The following MUC4 variants were observed in gnomAD, a reference collection of about 807,000 sequenced individuals.
The protein encoded by MUC4 is mucin 4, cell surface associated.
MUC4 carries 202 observed loss-of-function variants against 257.9 expected under a neutral mutation model. The observed-to-expected ratio is 0.78, with a 90% CI of 0.70 to 0.88. MUC4 has a LOEUF of 0.88. MUC4 is among the 40% of genes least tolerant of loss of function. The pLI is 0.00. For missense variants in MUC4, 5,976 were observed against 6,513.7 expected (o/e 0.92, Z 2.84); for synonymous variants, 2,351 against 2,757.1 (o/e 0.85, Z 4.62).
chr3:195,748,066 A>G lies in MUC4; in HGVS notation c.16035-686T>C, dbSNP rs1334572416. Among the ~76,000 whole-genome samples, 4 of 151,186 alleles carry G rather than the reference A, an allele frequency of 2.6e-5. No individual in the cohort carries two copies. The East Asian group carries it at 7.8e-4, about 30-fold the overall frequency. ...CTCCTTCGGCGGGATCTGGAACTGCAGCTGGCGGAGGGCCCGGAGCCCAGG... is the reference window on the plus strand; with the variant it reads ...CTCCTTCGGCGGGATCTGGAACTGCGGCTGGCGGAGGGCCCGGAGCCCAGG... On this transcript the variant is annotated intron_variant, in intron 24 of 24. Transcript: ENST00000463781.
chr3:195,759,479 C>A lies in MUC4; in HGVS notation c.14849-218G>T, dbSNP rs374954622. Among the ~76,000 whole-genome samples, 58 of 152,304 alleles carry A rather than the reference C, an allele frequency of 3.8e-4. 1 individual carries two copies. Among genetic ancestry groups the A allele is most frequent in the Admixed American group, 2.7e-3 (42 of 15,296 alleles). ...AATCTTTAGCCTCTTTCTCTCCCCC[C>A]ACCTCCTCAAAAAGAGCTCCTTTCA... On this transcript the variant is annotated intron_variant, in intron 16 of 24. Transcript: ENST00000463781.
Position 195,781,615 on chromosome 3 carries a change from G to A in MUC4, c.9965C>T (p.Ser3322Phe), listed in dbSNP as rs1398390196. ...ATGAAGAGGGGTGGCGTGACCTGTG[G>A]ATGCTGAGGAAGCGTCGGTGACAAG... ...PLLVTDASSA[S>F]TGHATPLHVT... is the part of the protein sequence containing the mutation. The change falls in exon 2 of 25, where the codon TCC becomes TTC. Residue 3322 changes from serine (S) to phenylalanine (F), a missense_variant. Coordinates refer to ENST00000463781, the MANE Select transcript of MUC4 (RefSeq NM_018406.7). 7.5e-6 allele frequency: 4 copies of A among 533,000 alleles called. No homozygotes were observed. The highest frequency in any genetic ancestry group is 4.6e-5 in the Admixed American group (1 of 21,724). The allele number at this position is 533,000 out of a possible 1,614,324, so 33.0% of individuals were successfully genotyped here. A position where few individuals can be genotyped will look rare whatever the true frequency, so the allele number is the denominator to read the frequency against.
intron 19 of MUC4, chr3:195,753,824 T>G (rs1716965732): frequency 4.5e-6 from 1 of 222,574 alleles, no homozygotes; most frequent in East Asian, 9.2e-5. Flanking sequence ...CTCGTGTCTC[T>G]GAAGATCCCC....
chr3:195,777,839 TCCATACCTTCCACACC>T (rs1725282220), intron 3 of MUC4, among the ~76,000 whole-genome samples: 3 of 1,920 alleles, frequency 1.6e-3, no homozygotes, highest in East Asian at 0.026. Context: ...ACCTTCCACA[TCCATACCTTCCACACC>T]CATACCTTCC....
At chr3:195,778,611 G>A (rs924433815) in intron 2 of MUC4, among the ~76,000 whole-genome samples, 156 bp from the exon 3 acceptor site, 1 of 152,182 alleles carries the variant, frequency 6.6e-6, no homozygotes, top group Non-Finnish European at 1.5e-5. Context: ...AGTGCTTTTC[G>A]ATTGCGGCAC....
rs1309125263 is a variant in MUC4, at chr3:195,782,627, C to G, written c.8953G>C (p.Ala2985Pro). Residue 2985 changes from alanine (A) to proline (P), a missense_variant, in exon 2 of 25, where the codon GCA (alanine) becomes CCA (proline). Physicochemically the swap from Ala to Pro is conservative, Grantham distance 27. Transcript: ENST00000463781. ...AGAAGGGTGGCGTGACCTGTGGATG[C>G]TGAGGAAGTGTCGGTGTCAGGAAGA... Reference protein sequence around the residue: ...TPLPDTDTSSASTGHATLLPV... With the variant: ...TPLPDTDTSSPSTGHATLLPV... 1 of 849,462 alleles carries G rather than the reference C, an allele frequency of 1.2e-6. No homozygotes were observed. The highest frequency in any genetic ancestry group is 1.9e-5 in the African/African-American group (1 of 53,832). 52.6% of individuals were successfully genotyped at this position (849,462 alleles called of 1,614,324 possible).
At chr3:195,803,244 C>T (rs1351989902) in intron 1 of MUC4, among the ~76,000 whole-genome samples, 1 of 152,208 alleles carries the variant, frequency 6.6e-6, no homozygotes, top group Non-Finnish European at 1.5e-5. Context: ...CCCAGAAGAG[C>T]CACCAGAACA....
chr3:195,811,864 C>T lies in MUC4; in HGVS notation c.-47G>A. 6.3e-7 allele frequency: 1 copy of T among 1,583,550 alleles called. No individual in the cohort carries two copies. The highest frequency in any genetic ancestry group is 8.7e-7 in the Non-Finnish European group (1 of 1,154,692). On this transcript the variant is annotated 5_prime_UTR_variant, in exon 1 of 25. Coordinates refer to ENST00000463781, the MANE Select transcript of MUC4 (RefSeq NM_018406.7). ...GGCTCCCTGGGGAAGCTCCACGGCCCAGCAGCTGCAGTGTGAGGAGCAGAC... is the reference window on the plus strand; with the variant it reads ...GGCTCCCTGGGGAAGCTCCACGGCCTAGCAGCTGCAGTGTGAGGAGCAGAC...
At position 195,786,973 on chromosome 3, in the gene MUC4, G is replaced by A; in HGVS notation, c.4607C>T (p.Pro1536Leu). 1.1e-6 allele frequency: 1 copy of A among 937,358 alleles called. No homozygotes were observed. Among genetic ancestry groups the A allele is most frequent in the Non-Finnish European group, 1.4e-6 (1 of 705,502 alleles). 58.1% of individuals were successfully genotyped at this position (937,358 alleles called of 1,614,324 possible). Residue 1536 changes from proline (P) to leucine (L), a missense_variant, in exon 2 of 25, where the codon CCT becomes CTT. By Grantham distance (98) the Pro-to-Leu change is moderately conservative. Transcript: ENST00000463781. ...TGAGGAAGGGCTAGTGACAGGAAGA[G>A]GCATGGTGTCACCTGTGGATGCTGA... ...LSSASTGDTMPLPVTSPSSAS... is the reference protein window; with the variant it reads ...LSSASTGDTMLLPVTSPSSAS...
chr3:195,789,025 G>T lies in MUC4; in HGVS notation c.2555C>A (p.Ala852Asp). ...QSTTELLSAS[A>D]SHGAIPVSTG... The stretch of plus-strand genomic sequence containing the variant: ...GCTTACTGGGATGGCACCATGACTG[G>T]CTGAGGCGGACAGCAATTCGGTTGT... The change falls in exon 2 of 25, where the codon GCC becomes GAC. Residue 852 changes from alanine (A) to aspartate (D), a missense_variant. This residue lies in a region of MUC4 where 1,583 missense variants were observed against 1,257.4 expected (regional missense o/e 1.26). Transcript: ENST00000463781. 6.2e-7 allele frequency: 1 copy of T among 1,613,848 alleles called. No individual in the cohort carries two copies. Among genetic ancestry groups the T allele is most frequent in the Non-Finnish European group, 8.5e-7 (1 of 1,179,848 alleles).
intron 1 of MUC4, among the ~76,000 whole-genome samples, chr3:195,792,138 G>A (rs1733937948): frequency 6.6e-6 from 1 of 152,104 alleles, no homozygotes; most frequent in Non-Finnish European, 1.5e-5. Flanking sequence ...TTGACAAATG[G>A]GATCTAATTA....
rs981118646 is a variant in MUC4 at position 195,759,385 on chromosome 3, A to G, written c.14849-124T>C. On this transcript the variant is annotated intron_variant, in intron 16 of 24. Transcript: ENST00000463781. ...AGGACTGTGACCCACCTCTGGAAGA[A>G]GGAATTATTCTGTGTACCTGCTCTC... 3.9e-5 allele frequency: 51 copies of G among 1,313,556 alleles called. No homozygotes were observed. The Admixed American group carries it at 9.9e-4, about 26-fold the overall frequency. 81.4% of individuals were successfully genotyped at this position (1,313,556 alleles called of 1,614,324 possible). A position where few individuals can be genotyped will look rare whatever the true frequency, so the allele number is the denominator to read the frequency against.
At chr3:195,767,062 T>C (rs1720670878) in intron 7 of MUC4, among the ~76,000 whole-genome samples, 1 of 152,090 alleles carries the variant, frequency 6.6e-6, no homozygotes, top group Admixed American at 6.5e-5. Flanking sequence ...TTTCTGTTTG[T>C]TTCCCTTCAA....
chr3:195,794,408 G>C (rs930135072), intron 1 of MUC4, among the ~76,000 whole-genome samples: 1 of 151,870 alleles, frequency 6.6e-6, no homozygotes, highest in Non-Finnish European at 1.5e-5. Flanking sequence ...GAGAGAGAGA[G>C]AGAAAGAAAG....
chr3:195,786,655 G>T lies in MUC4; in HGVS notation c.4925C>A (p.Ser1642Tyr). Residue 1642 changes from serine (S) to tyrosine (Y), a missense_variant, in exon 2 of 25, where the codon TCC becomes TAC. By Grantham distance (144) the Ser-to-Tyr change is moderately radical (BLOSUM62 -2). Coordinates refer to ENST00000463781, the MANE Select transcript of MUC4 (RefSeq NM_018406.7). ...PLPVTNASSL[S>Y]TGHATPLHVT... ...ATGAAGAGGGGTGGCGTGACCTGTG[G>T]ATAATGAGGAAGCATTGGTGACAGG... 2.0e-6 allele frequency: 3 copies of T among 1,531,676 alleles called. No individual in the cohort carries two copies. The highest frequency in any genetic ancestry group is 1.2e-5 in the South Asian group (1 of 83,062). 94.9% of individuals were successfully genotyped at this position (1,531,676 alleles called of 1,614,324 possible).
intron 3 of MUC4, among the ~76,000 whole-genome samples, chr3:195,775,970 C>A (rs1724557238): frequency 1.7e-5 from 1 of 58,150 alleles, no homozygotes; most frequent in Non-Finnish European, 3.1e-5. Flanking sequence ...CACACCCATA[C>A]CTTCCACATC....
At chr3:195,767,626 A>C (rs1323747243) in intron 7 of MUC4, among the ~76,000 whole-genome samples, 4 of 125,356 alleles carry the variant, frequency 3.2e-5, no homozygotes, top group South Asian at 2.4e-4. Flanking sequence ...CACCATCACC[A>C]CCATCACCAC....
At position 195,810,897 on chromosome 3, in the gene MUC4, T is replaced by A. The variant is rs995999705; in HGVS notation, c.82+839A>T. 2.0e-5 allele frequency among the ~76,000 whole-genome samples: 3 copies of A among 152,048 alleles called. No individual in the cohort carries two copies. Among genetic ancestry groups the A allele is most frequent in the African/African-American group, 4.8e-5 (2 of 41,398 alleles). Reference sequence around the variant, plus strand: ...CTACCCCCAGCTCTGTACACAAGGGTGTACATCTTTCTCCTTGACTCTGTT... The same window carrying A: ...CTACCCCCAGCTCTGTACACAAGGGAGTACATCTTTCTCCTTGACTCTGTT... On this transcript the variant is annotated intron_variant, in intron 1 of 24. Coordinates refer to ENST00000463781, the MANE Select transcript of MUC4 (RefSeq NM_018406.7). This position sits in a 1 kb window ranked among gnomAD's most constrained non-coding sequence, Gnocchi z 4.2.
intron 7 of MUC4, 97 bp from the exon 8 acceptor site, chr3:195,766,848 G>T (rs1578049301): frequency 9.0e-7 from 1 of 1,113,060 alleles, no homozygotes; most frequent in Non-Finnish European, 1.3e-6. Context: ...GTCAGCAGCT[G>T]GTCAACCAGC....
Sources: gnomAD v4.1 joint callset for allele counts (sites outside exome capture counted in the v4.1 genomes callset) on GRCh38, gnomAD v4.1.1 for gene constraint, gnomAD v4.1.1 regional missense constraint, Gnocchi (gnomAD v3.1) non-coding constraint, MANE v1.5 for transcripts, NCBI Gene and HGNC (gene_info 2026-07-23, HGNC 2026-07-21) for gene names.